The following IQCM variants were observed in gnomAD, a reference collection of about 807,000 sequenced individuals.
IQCM encodes IQ domain-containing protein M.
A neutral mutation model predicts 57.6 loss-of-function variants in IQCM; 45 were observed. That is an observed-to-expected ratio of 0.78 (90% CI 0.62 to 1.00). The LOEUF (loss-of-function observed/expected upper bound fraction) is 1.00. IQCM is among the 50% of genes least tolerant of loss of function. The pLI is 0.00. For synonymous variants in IQCM, 148 were observed against 158.9 expected (o/e 0.93, Z 0.51); for missense variants, 468 against 511.6 (o/e 0.91, Z 0.82).
intron 7 of IQCM, among the ~76,000 whole-genome samples, chr4:149,649,772 G>T (rs980418371): frequency 2.0e-5 from 3 of 152,110 alleles, no homozygotes; most frequent in African/African-American, 4.8e-5. Context: ...CCATAAAATA[G>T]ATAGCTAGGA....
At chr4:149,497,768 A>C (rs1444565216) in intron 12 of IQCM, among the ~76,000 whole-genome samples, 1 of 151,322 alleles carries the variant, frequency 6.6e-6, no homozygotes, top group East Asian at 1.9e-4. Context: ...AAAAAGGAAG[A>C]AAAAAAAGCA....
chr4:149,416,449 TC>T (rs1402356375), intron 13 of IQCM, among the ~76,000 whole-genome samples: 1 of 152,150 alleles, frequency 6.6e-6, no homozygotes, highest in African/African-American at 2.4e-5. Context: ...TTCATCTCTT[TC>T]ATAAGGCAGT....
chr4:149,410,634 C>CT (rs944310741), intron 13 of IQCM, among the ~76,000 whole-genome samples: 12 of 148,156 alleles, frequency 8.1e-5, no homozygotes, highest in Admixed American at 2.0e-4. Context: ...CATTGTCACA[C>CT]TTTTTTTTTT....
intron 8 of IQCM, among the ~76,000 whole-genome samples, chr4:149,601,786 C>T (rs1053573150): frequency 9.2e-5 from 14 of 151,972 alleles, no homozygotes; most frequent in Admixed American, 3.3e-4. Flanking sequence ...TGGCCTGGCG[C>T]GGTGGCTCAT....
chr4:149,560,615 T>A (rs1301013693), intron 10 of IQCM, among the ~76,000 whole-genome samples: 5 of 152,204 alleles, frequency 3.3e-5, no homozygotes, highest in African/African-American at 1.2e-4. Context: ...AGGACATTTT[T>A]AATTGTGTAA....
chr4:149,782,286 A>T (rs1441470826), intron 2 of IQCM, among the ~76,000 whole-genome samples: 1 of 152,244 alleles, frequency 6.6e-6, no homozygotes, highest in Non-Finnish European at 1.5e-5. Flanking sequence ...TGAAGAACTC[A>T]GTTATGAGGA....
chr4:149,637,102 C>A (rs1421349059), intron 7 of IQCM, among the ~76,000 whole-genome samples: 1 of 145,476 alleles, frequency 6.9e-6, no homozygotes, highest in East Asian at 2.0e-4. Context: ...GAGATTGCGC[C>A]ACTGCAGTCC....
Position 149,444,542 on chromosome 4 carries a change from C to T in IQCM, c.1229-10985G>A, listed in dbSNP as rs112292007. 7.8e-4 allele frequency among the ~76,000 whole-genome samples: 118 copies of T among 151,894 alleles called. 1 individual carries two copies. The South Asian group carries it at 0.016, about 20-fold the overall frequency. ...AAGATAGGCTCACATCATTTATAAA[C>T]GTGTATGCAGTCCACTGTGCTGTAT... On this transcript the variant is annotated intron_variant, in intron 12 of 13. Transcript: ENST00000636793.
intron 7 of IQCM, among the ~76,000 whole-genome samples, chr4:149,648,680 T>C (rs1758872200): frequency 6.6e-6 from 1 of 151,938 alleles, no homozygotes; most frequent in South Asian, 2.1e-4. Flanking sequence ...TTCTCACTCA[T>C]AGGTGGGAAT....
intron 12 of IQCM, among the ~76,000 whole-genome samples, chr4:149,502,767 C>G (rs1402668867): frequency 6.6e-6 from 1 of 151,896 alleles, no homozygotes; most frequent in African/African-American, 2.4e-5. Context: ...GAAATATGTG[C>G]CAAGAGCAAT....
At chr4:149,499,518 G>A in intron 12 of IQCM, among the ~76,000 whole-genome samples, 1 of 152,022 alleles carries the variant, frequency 6.6e-6, no homozygotes, top group African/African-American at 2.4e-5. Flanking sequence ...GAAAGACACA[G>A]CAATATTTAA....
At chr4:149,646,842 G>T (rs777597864) in intron 7 of IQCM, among the ~76,000 whole-genome samples, 10 of 152,106 alleles carry the variant, frequency 6.6e-5, no homozygotes, top group Non-Finnish European at 1.5e-4. Flanking sequence ...AAATTAGCTG[G>T]GTGTGGTGGC....
intron 8 of IQCM, among the ~76,000 whole-genome samples, chr4:149,619,107 G>GATATATATATATATATATATAT (rs70965194): frequency 7.3e-4 from 92 of 126,712 alleles, no homozygotes; most frequent in African/African-American, 1.3e-3. Context: ...ATGTGGGATG[G>GATATATATATATATATATATAT]ATATATATAT....
chr4:149,584,278 T>C (rs1275900786), intron 9 of IQCM, among the ~76,000 whole-genome samples: 1 of 151,578 alleles, frequency 6.6e-6, no homozygotes, highest in Non-Finnish European at 1.5e-5. Flanking sequence ...CTAACAACTT[T>C]CAGAAACTTA....
chr4:149,617,400 T>C (rs992667259), intron 8 of IQCM, among the ~76,000 whole-genome samples: 9 of 152,138 alleles, frequency 5.9e-5, no homozygotes, highest in Admixed American at 6.5e-5. Context: ...GTGGTGAAAA[T>C]TGAAAATGAA....
intron 4 of IQCM, among the ~76,000 whole-genome samples, chr4:149,734,837 T>C (rs1766787566): frequency 6.6e-6 from 1 of 152,120 alleles, no homozygotes; most frequent in South Asian, 2.1e-4. Flanking sequence ...TCGAAATATA[T>C]GCCATTCAGC....
intron 12 of IQCM, among the ~76,000 whole-genome samples, chr4:149,476,654 C>T (rs565279787): frequency 2.5e-4 from 38 of 152,050 alleles, no homozygotes; most frequent in South Asian, 6.2e-4. Flanking sequence ...AGACATCAAC[C>T]GAAAGGTAGA....
At chr4:149,657,323 C>T (rs1408477445) in intron 7 of IQCM, among the ~76,000 whole-genome samples, 1 of 152,116 alleles carries the variant, frequency 6.6e-6, no homozygotes, top group East Asian at 1.9e-4. Flanking sequence ...GAGTTTCATT[C>T]ATATTGTCAC....
intron 12 of IQCM, among the ~76,000 whole-genome samples, chr4:149,506,851 CA>C (rs947421899): frequency 1.3e-5 from 2 of 152,100 alleles, no homozygotes; most frequent in African/African-American, 4.8e-5. Context: ...TCAGAAGCAG[CA>C]AGAGTGTGAG....
Sources: gnomAD v4.1 joint callset for allele counts (sites outside exome capture counted in the v4.1 genomes callset) on GRCh38, gnomAD v4.1.1 for gene constraint, MANE v1.5 for transcripts, NCBI Gene and HGNC (gene_info 2026-07-23, HGNC 2026-07-21) for gene names.